INVS: variants seen among roughly 807,000 people sequenced by gnomAD.
INVS encodes the protein inversion of embryo turning homolog.
A neutral mutation model predicts 108.8 loss-of-function variants in INVS; 86 were observed. That is an observed-to-expected ratio of 0.79 (90% confidence interval 0.66 to 0.95). INVS has a LOEUF of 0.95. Among genes scored for constraint, INVS ranks in the 40% least tolerant of loss-of-function variants. The pLI is 0.00. For synonymous variants in INVS, 455 were observed against 473.5 expected (o/e 0.96, Z 0.51); for missense variants, 1,169 against 1,297.4 (o/e 0.90, Z 1.52).
At chr9:100,240,720 A>T (rs1473858582) in intron 6 of INVS, among the ~76,000 whole-genome samples, 1 of 152,098 alleles carries the variant, frequency 6.6e-6, no homozygotes, top group East Asian at 1.9e-4. Flanking sequence ...TCAATCTGAG[A>T]GTCTTTCTCT....
chr9:100,133,338 ATGTGTGTG>A (rs140513551), intron 3 of INVS, among the ~76,000 whole-genome samples: 4 of 146,500 alleles, frequency 2.7e-5, no homozygotes, highest in African/African-American at 1.0e-4. Context: ...CCTTTACTTT[ATGTGTGTG>A]TGTGTGTGTG....
intron 3 of INVS, among the ~76,000 whole-genome samples, chr9:100,182,052 G>C (rs528764836): frequency 6.6e-6 from 1 of 152,208 alleles, no homozygotes; most frequent in East Asian, 1.9e-4. Flanking sequence ...TTGGGAAAAT[G>C]GCTAGCCATA....
At chr9:100,141,307 T>A (rs1354017804) in intron 3 of INVS, among the ~76,000 whole-genome samples, 1 of 152,172 alleles carries the variant, frequency 6.6e-6, no homozygotes, top group African/African-American at 2.4e-5. Context: ...GTAAAAGTAT[T>A]GTCTAGTCCT....
chr9:100,243,115 C>T (rs1831931322), intron 7 of INVS, among the ~76,000 whole-genome samples: 1 of 152,106 alleles, frequency 6.6e-6, no homozygotes. Flanking sequence ...TAACATTTTA[C>T]TTTACTGTAA....
intron 3 of INVS, among the ~76,000 whole-genome samples, chr9:100,168,014 C>G (rs909878842): frequency 6.6e-6 from 1 of 152,108 alleles, no homozygotes; most frequent in Non-Finnish European, 1.5e-5. Context: ...TATTTCCTCT[C>G]TTGGAACTAG....
rs577372332 is a variant in INVS at position 100,292,304 on chromosome 9, ATTT to A, written c.2069-18_2069-16del. The A allele has an allele frequency of 2.1e-3, 3,399 of 1,603,168 alleles. 2 individuals carry two copies. The highest frequency in any genetic ancestry group is 2.7e-3 in the Non-Finnish European group (3,115 of 1,170,050). ...TCCTACTCTGCAAGTTTTGGACAAT[ATTT>A]TTTCTTTGTTTCCTCAAGAAACAGC... On this transcript the variant is annotated intron_variant, in intron 13 of 16. Coordinates refer to ENST00000262457, the MANE Select transcript of INVS (RefSeq NM_014425.5).
At chr9:100,185,001 T>C (rs1280542988) in intron 3 of INVS, among the ~76,000 whole-genome samples, 1 of 152,196 alleles carries the variant, frequency 6.6e-6, no homozygotes, top group Non-Finnish European at 1.5e-5. Context: ...TTGTCAGTTA[T>C]TAATGATTTT....
chr9:100,144,374 A>C (rs1828535321), intron 3 of INVS, among the ~76,000 whole-genome samples: 1 of 152,166 alleles, frequency 6.6e-6, no homozygotes, highest in Non-Finnish European at 1.5e-5. Context: ...CTTTATTTAA[A>C]GTCAGGAGCT....
chr9:100,184,484 C>G (rs1190445220), intron 3 of INVS, among the ~76,000 whole-genome samples: 1 of 152,082 alleles, frequency 6.6e-6, no homozygotes, highest in African/African-American at 2.4e-5. Context: ...AAAGTCCTCA[C>G]CATTTTGTAA....
chr9:100,276,249 C>T (rs968756773), intron 12 of INVS, among the ~76,000 whole-genome samples: 7 of 152,164 alleles, frequency 4.6e-5, no homozygotes, highest in African/African-American at 1.7e-4. Flanking sequence ...TCTTCAGTTG[C>T]CTACTGGGCA....
In INVS at chr9:100,226,249, A is replaced by C; in HGVS notation, c.447+14A>C. On this transcript the variant is annotated intron_variant, in intron 4 of 16. Coordinates refer to ENST00000262457, the MANE Select transcript of INVS (RefSeq NM_014425.5). ...GATAAAAACAAGGTAATGGATACTC[A>C]AAATCAAAGACTAATAAGACCAGAA... is the stretch of plus-strand genomic sequence containing the variant. 6.2e-7 allele frequency: 1 copy of C among 1,610,022 alleles called. No individual in the cohort carries two copies. Among genetic ancestry groups the C allele is most frequent in the Non-Finnish European group, 8.5e-7 (1 of 1,177,044 alleles).
intron 7 of INVS, among the ~76,000 whole-genome samples, chr9:100,243,272 T>C (rs1831936877): frequency 6.6e-6 from 1 of 152,190 alleles, no homozygotes; most frequent in Non-Finnish European, 1.5e-5. Flanking sequence ...CTAAACTGTA[T>C]TACCTTACAC....
At chr9:100,206,476 G>A (rs543616718) in intron 3 of INVS, among the ~76,000 whole-genome samples, 1 of 151,866 alleles carries the variant, frequency 6.6e-6, no homozygotes, top group African/African-American at 2.4e-5. Flanking sequence ...TGCACATTTT[G>A]ACACGTGTGC....
chr9:100,113,915 G>A (rs1442300169), intron 2 of INVS, among the ~76,000 whole-genome samples: 2 of 152,056 alleles, frequency 1.3e-5, no homozygotes, highest in Non-Finnish European at 2.9e-5. Flanking sequence ...TCCTCCATTA[G>A]CACAGTTCAG....
chr9:100,187,452 A>AT (rs1264633567), intron 3 of INVS, among the ~76,000 whole-genome samples: 3 of 148,580 alleles, frequency 2.0e-5, no homozygotes, highest in Non-Finnish European at 3.0e-5. Flanking sequence ...CAGTATGGTC[A>AT]TTTTTACAAT....
intron 3 of INVS, among the ~76,000 whole-genome samples, chr9:100,204,383 C>T (rs559443478): frequency 1.1e-4 from 17 of 152,240 alleles, no homozygotes; most frequent in East Asian, 3.9e-4. Context: ...AAAAGGCAAA[C>T]TAAAGAAGTT....
intron 2 of INVS, among the ~76,000 whole-genome samples, chr9:100,110,631 A>T (rs1827313171): frequency 6.6e-6 from 1 of 152,206 alleles, no homozygotes; most frequent in Admixed American, 6.5e-5. Flanking sequence ...TCAGAACAAA[A>T]ATATATGTAT....
At chr9:100,250,891 A>G (rs764363851) in intron 8 of INVS, among the ~76,000 whole-genome samples, 1 of 152,122 alleles carries the variant, frequency 6.6e-6, no homozygotes, top group Non-Finnish European at 1.5e-5. Context: ...GGCCTTTTCT[A>G]TGTTTCTGAC....
intron 1 of INVS, among the ~76,000 whole-genome samples, 184 bp from the exon 2 acceptor site, chr9:100,104,314 G>A (rs1000414690): frequency 9.2e-5 from 14 of 152,086 alleles, no homozygotes; most frequent in Admixed American, 4.6e-4. Context: ...ATCCTCCTGC[G>A]TTGGCCTTCC....
Sources: allele counts gnomAD v4.1 joint callset (sites outside exome capture counted in the v4.1 genomes callset), GRCh38; gene constraint gnomAD v4.1.1; transcripts MANE v1.5; gene names NCBI Gene and HGNC (gene_info 2026-07-23, HGNC 2026-07-21).